PCDH9: variants seen among roughly 807,000 people sequenced by gnomAD.
PCDH9 encodes protocadherin-9.
A neutral mutation model predicts 70.6 loss-of-function variants in PCDH9; 24 were observed. The ratio of observed to expected loss-of-function variants is 0.34; its 90% CI spans 0.25 to 0.48. The LOEUF (loss-of-function observed/expected upper bound fraction) is 0.48. Ranked by LOEUF, PCDH9 falls within the 20% of genes least tolerant of loss-of-function variation. The pLI, the probability that PCDH9 is intolerant of heterozygous loss-of-function variation, is 0.99. For synonymous variants in PCDH9, 562 were observed against 558.5 expected (o/e 1.01, Z -0.09); for missense variants, 1,281 against 1,503.6 (o/e 0.85, Z 2.45).
chr13:66,961,265 A>G (rs1485079759), intron 2 of PCDH9, among the ~76,000 whole-genome samples: 1 of 152,176 alleles, frequency 6.6e-6, no homozygotes. Context: ...TGTATGTGAC[A>G]TGGGGGTTAT....
chr13:66,601,005 A>G (rs2077159389), intron 4 of PCDH9, among the ~76,000 whole-genome samples: 1 of 145,024 alleles, frequency 6.9e-6, no homozygotes, highest in Non-Finnish European at 1.5e-5. Flanking sequence ...TTCATAAATA[A>G]ATATTTCCCA....
intron 2 of PCDH9, among the ~76,000 whole-genome samples, chr13:67,079,029 G>A (rs1304065771): frequency 6.6e-6 from 1 of 151,972 alleles, no homozygotes; most frequent in East Asian, 1.9e-4. Context: ...CACATGTAAG[G>A]CCAGACGCAG....
chr13:66,818,244 T>C (rs933020192), intron 3 of PCDH9, among the ~76,000 whole-genome samples: 1 of 152,220 alleles, frequency 6.6e-6, no homozygotes, highest in Non-Finnish European at 1.5e-5. Context: ...TGAGAAAACA[T>C]ATATTTTAAT....
intron 3 of PCDH9, among the ~76,000 whole-genome samples, chr13:66,807,658 T>C (rs1004709206): frequency 2.0e-5 from 3 of 152,180 alleles, no homozygotes; most frequent in African/African-American, 7.2e-5. Flanking sequence ...TTTGTTATCT[T>C]ATTAATATAA....
At chr13:66,641,630 C>G (rs1287571732) in intron 3 of PCDH9, among the ~76,000 whole-genome samples, 3 of 152,122 alleles carry the variant, frequency 2.0e-5, no homozygotes, top group African/African-American at 7.2e-5. Flanking sequence ...AAGGGACTGT[C>G]TCTAGCCATA....
intron 3 of PCDH9, among the ~76,000 whole-genome samples, chr13:66,786,369 G>C (rs991391718): frequency 3.3e-5 from 5 of 152,128 alleles, no homozygotes; most frequent in Non-Finnish European, 7.4e-5. Context: ...ACAATCCAAG[G>C]AGAAGGCTTA....
chr13:66,555,400 A>G (rs1237251000), intron 4 of PCDH9, among the ~76,000 whole-genome samples: 1 of 140,036 alleles, frequency 7.1e-6, no homozygotes, highest in Non-Finnish European at 1.5e-5. Flanking sequence ...TATCATCTGA[A>G]TAGTGGCTAC....
intron 2 of PCDH9, among the ~76,000 whole-genome samples, chr13:67,140,468 T>C (rs2087354586): frequency 1.3e-5 from 2 of 152,090 alleles, no homozygotes; most frequent in African/African-American, 4.8e-5. Context: ...TACATACAAA[T>C]GGTATTTAGC....
intron 3 of PCDH9, among the ~76,000 whole-genome samples, chr13:66,701,952 C>A (rs1196383358): frequency 6.6e-6 from 1 of 152,072 alleles, no homozygotes; most frequent in African/African-American, 2.4e-5. Context: ...GAGTCCCTTG[C>A]CCAAAGTCAG....
intron 4 of PCDH9, among the ~76,000 whole-genome samples, chr13:66,380,598 C>CAGTG (rs1174814470): frequency 7.9e-6 from 1 of 127,158 alleles, no homozygotes; most frequent in Non-Finnish European, 1.6e-5. Context: ...GGCTGGAGTG[C>CAGTG]AGTGGCGTCA....
At chr13:66,353,786 T>C (rs80054317) in intron 4 of PCDH9, among the ~76,000 whole-genome samples, 2 of 152,186 alleles carry the variant, frequency 1.3e-5, no homozygotes, top group African/African-American at 2.4e-5. Context: ...CAGATACTTA[T>C]GTACACTCTT....
intron 2 of PCDH9, among the ~76,000 whole-genome samples, chr13:66,982,540 G>A (rs555783364): frequency 1.3e-5 from 2 of 152,254 alleles, no homozygotes; most frequent in South Asian, 4.1e-4. Flanking sequence ...TGTTAAATAT[G>A]TGAAAACTGT....
intron 3 of PCDH9, among the ~76,000 whole-genome samples, chr13:66,646,026 A>C (rs2077766628): frequency 6.6e-6 from 1 of 152,226 alleles, no homozygotes. Context: ...CAATGAAATA[A>C]TAACTCTACA....
chr13:66,611,702 G>C (rs1389514078), intron 4 of PCDH9, among the ~76,000 whole-genome samples: 1 of 152,194 alleles, frequency 6.6e-6, no homozygotes, highest in Non-Finnish European at 1.5e-5. Flanking sequence ...ATATAGGGAA[G>C]ACTGGTCTAA....
At chr13:67,145,679 C>G (rs1435088730) in intron 2 of PCDH9, among the ~76,000 whole-genome samples, 1 of 151,866 alleles carries the variant, frequency 6.6e-6, no homozygotes, top group African/African-American at 2.4e-5. Context: ...ACAGAAATCT[C>G]TTATGGATAA....
chr13:66,815,000 A>G (rs561325927), intron 3 of PCDH9, among the ~76,000 whole-genome samples: 1 of 150,640 alleles, frequency 6.6e-6, no homozygotes, highest in South Asian at 2.1e-4. Context: ...AAATATTTGC[A>G]ATCTACACAT....
At position 67,097,077 on chromosome 13, in the gene PCDH9, C is replaced by T. The variant is rs577201238; in HGVS notation, c.3036+128328G>A. The stretch of plus-strand genomic sequence containing the variant: ...AGCCTGCACAATGGTGAAACCCTAT[C>T]TCTACAGAAAATACAAAAAAAAAAA... On this transcript the variant is annotated intron_variant, in intron 2 of 4. Coordinates refer to ENST00000377865, the MANE Select transcript of PCDH9 (RefSeq NM_203487.3). Among the ~76,000 whole-genome samples, 4 of 140,272 alleles carry T rather than the reference C, an allele frequency of 2.9e-5. No homozygotes were observed. In the South Asian group the frequency reaches 9.4e-4, roughly 33 times the overall value. The allele number at this position is 140,272 out of a possible 152,430, so 92.0% of individuals were successfully genotyped here.
At chr13:66,348,360 C>T (rs1164733474) in intron 4 of PCDH9, among the ~76,000 whole-genome samples, 1 of 150,932 alleles carries the variant, frequency 6.6e-6, no homozygotes, top group Non-Finnish European at 1.5e-5. Context: ...ATGTCATAAA[C>T]AAGAAAAAAA....
chr13:66,962,443 G>A (rs994868609), intron 2 of PCDH9, among the ~76,000 whole-genome samples: 18 of 152,306 alleles, frequency 1.2e-4, no homozygotes, highest in Middle Eastern at 3.4e-3. Flanking sequence ...TGAGAAATGT[G>A]TCATTGGGCA....
Sources: allele counts gnomAD v4.1 joint callset (sites outside exome capture counted in the v4.1 genomes callset), GRCh38; gene constraint gnomAD v4.1.1; transcripts MANE v1.5; gene names NCBI Gene and HGNC (gene_info 2026-07-23, HGNC 2026-07-21).